Variants in SOX6 observed in about 807,000 individuals in gnomAD.
SOX6 encodes the protein SRY-box transcription factor 6.
Under a neutral mutation model 97.8 loss-of-function variants are expected in SOX6, and 11 were observed. The observed-to-expected ratio is 0.11, with a 90% confidence interval of 0.07 to 0.19. The LOEUF (loss-of-function observed/expected upper bound fraction) is 0.19. Ranked by LOEUF, SOX6 falls within the 10% of genes least tolerant of loss-of-function variation. The probability of loss-of-function intolerance (pLI) is 1.00; values close to 1 mark genes in which losing one functional copy is unlikely to be tolerated. For synonymous variants in SOX6, 360 were observed against 371.4 expected, an observed-to-expected ratio of 0.97 and a Z score of 0.35; for missense variants, 810 against 1,039.5, an observed-to-expected ratio of 0.78 and a Z score of 3.04.
intron 1 of SOX6, among the ~76,000 whole-genome samples, chr11:16,372,839 T>C (rs1277091868): frequency 6.6e-6 from 1 of 152,030 alleles, no homozygotes; most frequent in African/African-American, 2.4e-5. Context: ...AGAAAAAAAG[T>C]AAAATTAAGG....
intron 3 of SOX6, among the ~76,000 whole-genome samples, chr11:16,252,964 C>T (rs1172796364): frequency 6.6e-6 from 1 of 152,106 alleles, no homozygotes; most frequent in Non-Finnish European, 1.5e-5. Context: ...GACTAAAGTC[C>T]TATTTATTAC....
chr11:16,705,651 T>A (rs1034080453), intron 3 of SOX6, among the ~76,000 whole-genome samples: 3 of 152,078 alleles, frequency 2.0e-5, no homozygotes, highest in Non-Finnish European at 4.4e-5. Context: ...ACTATGTTAA[T>A]GGGCATACAA....
chr11:16,728,741 T>C (rs970807370), intron 2 of SOX6, among the ~76,000 whole-genome samples: 2 of 152,194 alleles, frequency 1.3e-5, no homozygotes, highest in African/African-American at 4.8e-5. Flanking sequence ...TTTGATGAAC[T>C]GACAGAAGTA....
chr11:16,214,214 A>C (rs186609209), intron 4 of SOX6, among the ~76,000 whole-genome samples: 1 of 152,342 alleles, frequency 6.6e-6, no homozygotes, highest in East Asian at 1.9e-4. Flanking sequence ...ACAGGTTTAG[A>C]ATAGTCTAGA....
chr11:16,187,721 G>A (rs752856641), intron 4 of SOX6, among the ~76,000 whole-genome samples: 5 of 152,112 alleles, frequency 3.3e-5, no homozygotes, highest in African/African-American at 7.2e-5. Flanking sequence ...ATATGATGTC[G>A]CTGAACACTT....
At chr11:16,321,434 G>C (rs980329606) in intron 2 of SOX6, among the ~76,000 whole-genome samples, 1 of 152,058 alleles carries the variant, frequency 6.6e-6, no homozygotes, top group African/African-American at 2.4e-5. Context: ...CTCCAGCCTA[G>C]TAACAACTTT....
At chr11:16,725,196 A>T (rs1848297664) in intron 2 of SOX6, among the ~76,000 whole-genome samples, 1 of 152,252 alleles carries the variant, frequency 6.6e-6, no homozygotes, top group Admixed American at 6.5e-5. Flanking sequence ...GGAATGAAGT[A>T]CTGATACATT....
At chr11:16,216,403 G>C (rs1262853149) in intron 4 of SOX6, among the ~76,000 whole-genome samples, 1 of 152,130 alleles carries the variant, frequency 6.6e-6, no homozygotes, top group African/African-American at 2.4e-5. Flanking sequence ...GGATGGATGA[G>C]ATGAATTCTC....
chr11:16,200,522 C>A (rs1398335336), intron 4 of SOX6, among the ~76,000 whole-genome samples: 2 of 152,158 alleles, frequency 1.3e-5, no homozygotes, highest in African/African-American at 4.8e-5. Flanking sequence ...ACAATGCATT[C>A]TTTCCATCAT....
chr11:16,606,237 T>C (rs1590004450), intron 4 of SOX6, among the ~76,000 whole-genome samples: 1 of 151,916 alleles, frequency 6.6e-6, no homozygotes. Flanking sequence ...TTTCTTTTTT[T>C]TTTTTCCTTT....
At chr11:16,321,860 T>C (rs1855937670) in intron 2 of SOX6, among the ~76,000 whole-genome samples, 3 of 152,292 alleles carry the variant, frequency 2.0e-5, no homozygotes, top group African/African-American at 7.2e-5. Flanking sequence ...ATTTACCATT[T>C]CCAGCCATCA....
At chr11:16,173,337 T>C (rs554092279) in intron 6 of SOX6, among the ~76,000 whole-genome samples, 51 of 151,908 alleles carry the variant, frequency 3.4e-4, no homozygotes, top group African/African-American at 1.1e-3. Context: ...GGGGTTTCTT[T>C]TGGGAGGGAG....
chr11:16,666,322 AAC>A (rs1847806776), intron 3 of SOX6, among the ~76,000 whole-genome samples: 1 of 152,338 alleles, frequency 6.6e-6, no homozygotes, highest in African/African-American at 2.4e-5. Context: ...AATTCAAGAT[AAC>A]ACAGAGAAGA....
intron 3 of SOX6, among the ~76,000 whole-genome samples, chr11:16,299,899 T>C (rs970148256): frequency 5.9e-5 from 9 of 152,214 alleles, no homozygotes; most frequent in Non-Finnish European, 7.3e-5. Context: ...TTAGCCACTA[T>C]ATTATTGCTT....
chr11:16,257,859 AAG>A (rs1853740012), intron 3 of SOX6, among the ~76,000 whole-genome samples: 1 of 151,962 alleles, frequency 6.6e-6, no homozygotes, highest in African/African-American at 2.4e-5. Context: ...AAAACACAAT[AAG>A]AAAACAACAA....
intron 4 of SOX6, among the ~76,000 whole-genome samples, chr11:16,513,103 C>T (rs1251165984): frequency 2.0e-5 from 3 of 152,168 alleles, no homozygotes; most frequent in Non-Finnish European, 2.9e-5. Context: ...TTCTACAACA[C>T]ATTGTTAGGT....
intron 4 of SOX6, among the ~76,000 whole-genome samples, chr11:16,543,404 T>TAA (rs143482970): frequency 1.7e-4 from 25 of 145,414 alleles, no homozygotes; most frequent in Non-Finnish European, 2.4e-4. Context: ...TCTAAGCCAG[T>TAA]AAAAAAAAAA....
chr11:16,351,946 G>T lies in SOX6; in HGVS notation c.-5+4148C>A, dbSNP rs559393803. Among the ~76,000 whole-genome samples the T allele has an allele frequency of 1.4e-4, 21 of 152,004 alleles. No homozygotes were observed. In the East Asian group the frequency reaches 3.9e-3, roughly 28 times the overall value. Reference sequence around the variant, plus strand: ...TTTCTCTGCATTCCCACAATACCTAGAACAATGTTTTGTGAAAAGAAACAC... The same window carrying T: ...TTTCTCTGCATTCCCACAATACCTATAACAATGTTTTGTGAAAAGAAACAC... On this transcript the variant is annotated intron_variant, in intron 1 of 15. Transcript: ENST00000683767.
At chr11:16,419,090 C>A (rs1310468301) in intron 1 of SOX6, among the ~76,000 whole-genome samples, 1 of 152,156 alleles carries the variant, frequency 6.6e-6, no homozygotes. Context: ...ATTTTAATAT[C>A]TTCACTTATC....
Sources: gnomAD v4.1 joint callset for allele counts (sites outside exome capture counted in the v4.1 genomes callset) on GRCh38, gnomAD v4.1.1 for gene constraint, MANE v1.5 for transcripts, NCBI Gene and HGNC (gene_info 2026-07-23, HGNC 2026-07-21) for gene names.